The following TFEC variants were observed in gnomAD, a reference collection of about 807,000 sequenced individuals.
The protein encoded by TFEC is transcription factor EC, also known as class E basic helix-loop-helix protein 34.
In TFEC, 31 loss-of-function variants were observed where a neutral mutation model predicts 41.6. That is an observed-to-expected ratio of 0.74 (90% CI 0.56 to 1.01). TFEC has a LOEUF of 1.01. Among genes scored for constraint, TFEC ranks in the 50% least tolerant of loss-of-function variants. The probability of loss-of-function intolerance (pLI) is 0.00; values close to 1 mark genes in which losing one functional copy is unlikely to be tolerated. For missense variants in TFEC, 402 were observed against 404.1 expected, an observed-to-expected ratio of 0.99 and a Z score of 0.04; for synonymous variants, 143 against 140.6, an observed-to-expected ratio of 1.02 and a Z score of -0.12.
In TFEC at chr7:116,006,834, T is replaced by C. The variant is rs186596436; in HGVS notation, c.-72-22321A>G. Among the ~76,000 whole-genome samples, 21 of 152,204 alleles carry C rather than the reference T, an allele frequency of 1.4e-4. No homozygotes were observed. The East Asian group carries it at 3.7e-3, about 27-fold the overall frequency. ...AACCTGGTGGGAGGTAATTGAATCA[T>C]GGGGCAGGTCTTTCCTATGCTGTTC... On this transcript the variant is annotated intron_variant, in intron 1 of 7. Transcript: ENST00000265440.
At chr7:116,050,754 C>A (rs536927987) in intron 3 of TFEC, among the ~76,000 whole-genome samples, 105 of 152,314 alleles carry the variant, frequency 6.9e-4, no homozygotes, top group African/African-American at 2.4e-3. Context: ...CCTCAAGGAT[C>A]TAGAACTAGA....
intron 3 of TFEC, among the ~76,000 whole-genome samples, chr7:116,091,211 C>G (rs1019443539): frequency 6.6e-6 from 1 of 152,124 alleles, no homozygotes; most frequent in Non-Finnish European, 1.5e-5. Flanking sequence ...ATGCATAAAA[C>G]TTCTTCAGGG....
chr7:116,074,253 T>C (rs994295317), intron 3 of TFEC, among the ~76,000 whole-genome samples: 8 of 151,606 alleles, frequency 5.3e-5, no homozygotes, highest in East Asian at 1.9e-4. Flanking sequence ...CACACACACA[T>C]ATATAAATGG....
chr7:115,970,202 C>CA (rs1793070104), intron 3 of TFEC, among the ~76,000 whole-genome samples: 1 of 151,900 alleles, frequency 6.6e-6, no homozygotes, highest in Admixed American at 6.6e-5. Context: ...AGTGAAAAAT[C>CA]AGAGAATCCA....
At chr7:115,975,047 G>C (rs573389014) in intron 2 of TFEC, among the ~76,000 whole-genome samples, 3 of 152,056 alleles carry the variant, frequency 2.0e-5, no homozygotes, top group Non-Finnish European at 4.4e-5. Flanking sequence ...ATTATATAGT[G>C]AGTGAGTGGT....
intron 1 of TFEC, among the ~76,000 whole-genome samples, chr7:116,158,494 T>A (rs1230878580): frequency 6.6e-6 from 1 of 152,138 alleles, no homozygotes; most frequent in Admixed American, 6.6e-5. Context: ...TAGCCAAATT[T>A]AACGAGCTCA....
In TFEC at chr7:116,048,245, C is replaced by T. The variant is rs143363965; in HGVS notation, c.198+62463G>A. Among the ~76,000 whole-genome samples, 7 of 152,284 alleles carry T rather than the reference C, an allele frequency of 4.6e-5. No homozygotes were observed. The East Asian group carries it at 1.2e-3, about 25-fold the overall frequency. ...CTAAAAACCTTGAAAAAAGATTAGA[C>T]GAATGGCTAACTAGAATAACCAGTG... On this transcript the variant is annotated intron_variant, in intron 3 of 8. Transcript: ENST00000484212.
At chr7:115,941,849 T>C in intron 7 of TFEC, 44 bp downstream of exon 7, 1 of 1,582,172 alleles carries the variant, frequency 6.3e-7, no homozygotes, top group Non-Finnish European at 8.6e-7. Context: ...GACAGCTGAG[T>C]CATGTGTAAG....
At chr7:115,965,739 C>T (rs1792813807) in intron 3 of TFEC, among the ~76,000 whole-genome samples, 1 of 151,590 alleles carries the variant, frequency 6.6e-6, no homozygotes, top group Admixed American at 6.6e-5. Context: ...ATTGTAGAAA[C>T]ATCTAAGTAA....
chr7:116,146,512 G>A lies in TFEC; in HGVS notation c.-69+13278C>T, dbSNP rs186109280. On this transcript the variant is annotated intron_variant, in intron 1 of 8. Coordinates refer to the TFEC transcript ENST00000484212. ...ACAAGCCTCCATCTCAGGTGTCTAA[G>A]GCAAGAATTCACATCACCTATATGG... 3.3e-5 allele frequency among the ~76,000 whole-genome samples: 5 copies of A among 152,284 alleles called. No individual in the cohort carries two copies. The East Asian group carries it at 9.6e-4, about 29-fold the overall frequency.
intron 3 of TFEC, among the ~76,000 whole-genome samples, chr7:116,099,701 GCGAA>G (rs1797560542): frequency 6.6e-6 from 1 of 152,164 alleles, no homozygotes; most frequent in Non-Finnish European, 1.5e-5. Context: ...ATGGAAGCAA[GCGAA>G]TGAACCTAGC....
intron 3 of TFEC, among the ~76,000 whole-genome samples, chr7:116,087,329 T>TA (rs1298220846): frequency 6.6e-6 from 1 of 151,992 alleles, no homozygotes; most frequent in Non-Finnish European, 1.5e-5. Flanking sequence ...AATTAAGAAA[T>TA]AAAAATTATC....
At chr7:116,046,914 A>G (rs745807484) in intron 3 of TFEC, among the ~76,000 whole-genome samples, 15 of 152,228 alleles carry the variant, frequency 9.9e-5, no homozygotes, top group Non-Finnish European at 1.6e-4. Context: ...CCTTGAATTT[A>G]TTATTTAAAA....
intron 1 of TFEC, among the ~76,000 whole-genome samples, chr7:115,985,014 G>A (rs59640229): frequency 0.018 from 2,744 of 148,574 alleles, 91 homozygotes; most frequent in African/African-American, 0.065. Context: ...GAAACTGTAT[G>A]GGTAGTGAAA....
chr7:115,952,329 A>AACATATATACACACATATAAT (rs1791990284), intron 5 of TFEC, among the ~76,000 whole-genome samples: 2 of 152,088 alleles, frequency 1.3e-5, no homozygotes, highest in Admixed American at 6.6e-5. Context: ...AGCTAATAGA[A>AACATATATACACACATATAAT]ACATATATAC....
intron 3 of TFEC, among the ~76,000 whole-genome samples, chr7:116,078,195 A>G (rs1797004989): frequency 6.6e-6 from 1 of 152,074 alleles, no homozygotes; most frequent in African/African-American, 2.4e-5. Context: ...CAACAATGAA[A>G]GAGGAAAGGT....
intron 2 of TFEC, among the ~76,000 whole-genome samples, chr7:115,980,747 G>A (rs9770071): frequency 1.3e-5 from 2 of 151,172 alleles, no homozygotes; most frequent in Admixed American, 6.6e-5. Flanking sequence ...GAGACTTGTC[G>A]CCAAACAAAA....
intron 1 of TFEC, among the ~76,000 whole-genome samples, chr7:116,145,427 G>A (rs1218943492): frequency 6.6e-6 from 1 of 152,114 alleles, no homozygotes; most frequent in African/African-American, 2.4e-5. Context: ...GTCAGAAGGG[G>A]TCAGGCAGCA....
intron 2 of TFEC, among the ~76,000 whole-genome samples, chr7:115,976,873 C>T (rs1031369498): frequency 2.6e-5 from 4 of 152,216 alleles, no homozygotes; most frequent in Non-Finnish European, 4.4e-5. Context: ...ATAAATGACA[C>T]GGTCTGTTTA....
Sources: gnomAD v4.1 joint callset for allele counts (sites outside exome capture counted in the v4.1 genomes callset) on GRCh38, gnomAD v4.1.1 for gene constraint, MANE v1.5 for transcripts, NCBI Gene and HGNC (gene_info 2026-07-23, HGNC 2026-07-21) for gene names.